Variants in NCAPD2 observed in about 807,000 individuals in gnomAD.
NCAPD2 encodes the protein condensin complex subunit 1.
NCAPD2 carries 100 observed loss-of-function variants against 164.5 expected under a neutral mutation model. The observed-to-expected ratio is 0.61, with a 90% confidence interval of 0.52 to 0.72. The LOEUF is 0.72. NCAPD2 is among the 30% of genes least tolerant of loss of function. The pLI is 0.00. For missense variants in NCAPD2, 1,560 were observed against 1,749.2 expected, an observed-to-expected ratio of 0.89 and a Z score of 1.93; for synonymous variants, 585 against 642.6, an observed-to-expected ratio of 0.91 and a Z score of 1.36.
rs1254201809 is a variant in NCAPD2 at position 6,495,182 on chromosome 12, G to A, written c.84G>A (p.Val28=). 4 of 1,614,122 alleles carry A rather than the reference G, an allele frequency of 2.5e-6. No homozygotes were observed. The South Asian group carries it at 4.4e-5, about 18-fold the overall frequency. Residue 28 remains valine (V), a synonymous_variant, in exon 2 of 32, where the codon GTG becomes GTA. Coordinates refer to ENST00000315579, the MANE Select transcript of NCAPD2 (RefSeq NM_014865.4). The stretch of plus-strand genomic sequence containing the variant: ...GTGGAGGGGTGAATCAGTATGTTGT[G>A]CAAGAGGTACTGTCCATCAAACATC... ...LKSGGVNQYV[V]QEVLSIKHLP...
intron 13 of NCAPD2, among the ~76,000 whole-genome samples, chr12:6,519,622 T>C (rs979606961): frequency 8.5e-5 from 13 of 152,094 alleles, no homozygotes; most frequent in African/African-American, 1.9e-4. Context: ...ATTCTTTTTT[T>C]CCCCCTTTTA....
intron 2 of NCAPD2, among the ~76,000 whole-genome samples, chr12:6,502,365 C>T (rs1363731481): frequency 1.3e-5 from 2 of 152,146 alleles, no homozygotes; most frequent in African/African-American, 4.8e-5. Flanking sequence ...GGAAGAAGGT[C>T]ATGGTGTTAT....
intron 2 of NCAPD2, among the ~76,000 whole-genome samples, chr12:6,497,452 C>T (rs187355120): frequency 6.6e-6 from 1 of 152,124 alleles, no homozygotes; most frequent in Non-Finnish European, 1.5e-5. Flanking sequence ...TCCCCCTCCC[C>T]CCATTCCACC....
In NCAPD2 at chr12:6,529,030, C is replaced by A; in HGVS notation, c.3563C>A (p.Thr1188Asn). ...ELGVEEEPFH[T>N]IMKQLLSYIT... is the part of the protein sequence containing the mutation. ...GGGGTGGAGGAAGAGCCTTTCCACACCATCATGAAGTATTGCTCCCCGGGC... is the reference window on the plus strand; with the variant it reads ...GGGGTGGAGGAAGAGCCTTTCCACAACATCATGAAGTATTGCTCCCCGGGC... Residue 1188 changes from threonine to asparagine, a missense_variant, in exon 27 of 32, where the codon ACC (threonine) becomes AAC (asparagine). Transcript: ENST00000315579. The A allele has an allele frequency of 1.2e-6, 2 of 1,612,436 alleles. No homozygotes were observed. The highest frequency in any genetic ancestry group is 1.7e-6 in the Non-Finnish European group (2 of 1,179,824).
chr12:6,529,531 C>T lies in NCAPD2; in HGVS notation c.3591C>T (p.Ile1197=), dbSNP rs1225585930. 6.2e-7 allele frequency: 1 copy of T among 1,614,120 alleles called. No individual in the cohort carries two copies. The highest frequency in any genetic ancestry group is 2.2e-5 in the East Asian group (1 of 44,862). ...CCTGCAGACAGCTCCTCTCCTACATCACCAAGGACAAGCAGACAGAGAGCC... is the reference window on the plus strand; with the variant it reads ...CCTGCAGACAGCTCCTCTCCTACATTACCAAGGACAAGCAGACAGAGAGCC... ...HTIMKQLLSY[I]TKDKQTESLV... Residue 1197 remains isoleucine, a synonymous_variant, in exon 28 of 32, where the codon ATC becomes ATT. Coordinates refer to ENST00000315579, the MANE Select transcript of NCAPD2 (RefSeq NM_014865.4).
At position 6,531,148 on chromosome 12, in the gene NCAPD2, C is replaced by T. The variant is rs1946369409; in HGVS notation, c.4120+72C>T. 5.0e-6 allele frequency: 8 copies of T among 1,586,648 alleles called. No individual in the cohort carries two copies. The Admixed American group carries it at 6.8e-5, about 14-fold the overall frequency. On this transcript the variant is annotated intron_variant, in intron 31 of 31. Transcript: ENST00000315579. The surrounding 1 kb of genome is among the most constrained non-coding windows in gnomAD (Gnocchi z 4.1). ...GTGCAGAGGGCTGGTTTCCATAGGA[C>T]CTGCTGCGGGGGCCTGAGTGTAGAT...
Position 6,531,317 on chromosome 12 carries a change from C to A in NCAPD2, c.4121-10C>A. ...TCAGCTTTTTCTTATTCCTTTAATT[C>A]TTTGCATAGATCTTTCAGCAGAGAT... is the stretch of plus-strand genomic sequence containing the variant. On this transcript the variant is annotated splice_polypyrimidine_tract_variant and intron_variant, in intron 31 of 31. Coordinates refer to ENST00000315579, the MANE Select transcript of NCAPD2 (RefSeq NM_014865.4). This position sits in a 1 kb window ranked among gnomAD's most constrained non-coding sequence, Gnocchi z 4.1. 1.2e-6 allele frequency: 2 copies of A among 1,610,118 alleles called. No homozygotes were observed. The highest frequency in any genetic ancestry group is 1.1e-5 in the South Asian group (1 of 90,310).
At position 6,521,891 on chromosome 12, in the gene NCAPD2, C is replaced by T. The variant is rs1946266784; in HGVS notation, c.1808C>T (p.Ser603Leu). Residue 603 changes from serine (S) to leucine (L), a missense_variant, in exon 15 of 32, where the codon TCG becomes TTG. By Grantham distance (145) the Ser-to-Leu change is moderately radical. Coordinates refer to ENST00000315579, the MANE Select transcript of NCAPD2 (RefSeq NM_014865.4). ...QTVCKNKPNMSDPEESRGNDE... is the reference protein window; with the variant it reads ...QTVCKNKPNMLDPEESRGNDE... ...GTCTGTAAAAATAAACCCAATATGT[C>T]GGATCCTGAGGAATCCAGGGGAAAT... 2 of 1,613,946 alleles carry T rather than the reference C, an allele frequency of 1.2e-6. No homozygotes were observed. Among genetic ancestry groups the T allele is most frequent in the African/African-American group, 1.3e-5 (1 of 74,878 alleles).
intron 6 of NCAPD2, 120 bp from the exon 7 acceptor site, chr12:6,514,145 T>G: frequency 1.5e-6 from 2 of 1,338,410 alleles, no homozygotes; most frequent in South Asian, 2.6e-5. Context: ...TAGAAAGTAA[T>G]GGCTAGAATA....
Position 6,527,958 on chromosome 12 carries a change from C to T in NCAPD2, c.3020-10C>T. On this transcript the variant is annotated splice_polypyrimidine_tract_variant and intron_variant, in intron 23 of 31. Transcript: ENST00000315579. ...AACCTGTCCCAAACCTGCAGTTACT[C>T]TTCCAACAGGCAAACAGACACTGGC... 6.2e-7 allele frequency: 1 copy of T among 1,614,242 alleles called. No homozygotes were observed. Among genetic ancestry groups the T allele is most frequent in the East Asian group, 2.2e-5 (1 of 44,886 alleles).
rs765879434 is a variant in NCAPD2 at position 6,521,061 on chromosome 12, G to A, written c.1665G>A (p.Glu555=). 2.5e-6 allele frequency: 4 copies of A among 1,614,190 alleles called. No homozygotes were observed. The highest frequency in any genetic ancestry group is 3.4e-6 in the Non-Finnish European group (4 of 1,179,996). Residue 555 remains glutamate (E), a synonymous_variant, in exon 14 of 32, where the codon GAG becomes GAA. Coordinates refer to ENST00000315579, the MANE Select transcript of NCAPD2 (RefSeq NM_014865.4). ...AACCCTTCAGTCATATAGACCCAGA[G>A]GAGTCAGAGGAGACCAGGCTCTTGA... The part of the protein sequence containing the change: ...ESEPFSHIDP[E]ESEETRLLNI...
intron 14 of NCAPD2, among the ~76,000 whole-genome samples, chr12:6,521,560 C>T (rs1185612329): frequency 1.0e-4 from 12 of 114,638 alleles, no homozygotes; most frequent in Admixed American, 9.2e-4. Context: ...CGGTGGCACG[C>T]ACCTGTAGTC....
chr12:6,514,211 A>G (rs1946178263), intron 6 of NCAPD2, 54 bp from the exon 7 acceptor site: 3 of 1,610,414 alleles, frequency 1.9e-6, no homozygotes, highest in East Asian at 4.5e-5. Flanking sequence ...CAGGGCTCTG[A>G]TACAATTGGA....
In NCAPD2 at chr12:6,528,038, C is replaced by G; in HGVS notation, c.3090C>G (p.Asn1030Lys). The G allele has an allele frequency of 6.2e-7, 1 of 1,614,248 alleles. No homozygotes were observed. Among genetic ancestry groups the G allele is most frequent in the Non-Finnish European group, 8.5e-7 (1 of 1,180,050 alleles). The change falls in exon 24 of 32, where the codon AAC (asparagine) becomes AAG (lysine). Residue 1030 changes from asparagine (N) to lysine (K), a missense_variant. Asn to Lys is a moderately conservative substitution (Grantham distance 94). Transcript: ENST00000315579. This position sits in a 1 kb window ranked among gnomAD's most constrained non-coding sequence, Gnocchi z 5.1. ...KVCNNPGLYS[N>K]PDLSAAASLA... ...GTAACAACCCAGGCCTCTATAGCAA[C>G]CCAGACCTCTCTGCAGCTGCTTCAC...
At chr12:6,504,208 TATATATATA>T (rs1946074196) in intron 2 of NCAPD2, among the ~76,000 whole-genome samples, 2 of 22,566 alleles carry the variant, frequency 8.9e-5, no homozygotes, top group African/African-American at 8.5e-4. Context: ...TATATATATA[TATATATATA>T]GATATAGATA....
intron 2 of NCAPD2, among the ~76,000 whole-genome samples, chr12:6,504,618 C>T (rs1184023167): frequency 6.6e-6 from 1 of 152,022 alleles, no homozygotes; most frequent in African/African-American, 2.4e-5. Context: ...TCTCAATCTC[C>T]TGACCTCAAG....
At chr12:6,510,352 A>G in intron 4 of NCAPD2, 1 of 784,200 alleles carries the variant, frequency 1.3e-6, no homozygotes. Context: ...GGGCAGACCA[A>G]CAAGAACTTT....
chr12:6,529,156 A>AG, intron 27 of NCAPD2, 117 bp downstream of exon 27: 1 of 868,516 alleles, frequency 1.2e-6, no homozygotes, highest in Non-Finnish European at 1.8e-6. Context: ...TTCGGCAATA[A>AG]CTTAGCCTCT....
In NCAPD2 at chr12:6,530,962, G is replaced by C. The variant is rs1400660777; in HGVS notation, c.4006G>C (p.Asp1336His). 6.2e-7 allele frequency: 1 copy of C among 1,614,064 alleles called. No homozygotes were observed. Among genetic ancestry groups the C allele is most frequent in the African/African-American group, 1.3e-5 (1 of 74,926 alleles). ...QPLASTASDN[D>H]FVTPEPRRTT... is the part of the protein sequence containing the mutation. The stretch of plus-strand genomic sequence containing the variant: ...TCTGGCTTCTACAGCCTCAGACAAT[G>C]ACTTTGTCACACCAGAGCCCCGCCG... Residue 1336 changes from aspartate to histidine, a missense_variant, in exon 31 of 32, where the codon GAC (aspartate) becomes CAC (histidine). Transcript: ENST00000315579.
Sources: gnomAD v4.1 joint callset for allele counts (sites outside exome capture counted in the v4.1 genomes callset) on GRCh38, gnomAD v4.1.1 for gene constraint, Gnocchi (gnomAD v3.1) non-coding constraint, MANE v1.5 for transcripts, NCBI Gene and HGNC (gene_info 2026-07-23, HGNC 2026-07-21) for gene names.